Variants in TARS3 observed in about 807,000 individuals in gnomAD.
TARS3 encodes threonine--tRNA ligase 2, cytoplasmic.
Under a neutral mutation model 103.5 loss-of-function variants are expected in TARS3, and 94 were observed. That is an observed-to-expected ratio of 0.91 (90% CI 0.77 to 1.08). TARS3 has a LOEUF of 1.08. Ranked by LOEUF, TARS3 falls within the 50% of genes least tolerant of loss-of-function variation. The pLI, the probability that TARS3 is intolerant of heterozygous loss-of-function variation, is 0.00. For missense variants in TARS3, 952 were observed against 995.2 expected, an observed-to-expected ratio of 0.96 and a Z score of 0.58; for synonymous variants, 416 against 355.4, an observed-to-expected ratio of 1.17 and a Z score of -1.92.
intron 3 of TARS3, among the ~76,000 whole-genome samples, chr15:101,720,610 G>C (rs1218222593): frequency 6.6e-6 from 1 of 151,936 alleles, no homozygotes; most frequent in East Asian, 1.9e-4. Flanking sequence ...CCTTGGAGAA[G>C]CCAGAGGAAA....
chr15:101,685,864 A>C lies in TARS3; in HGVS notation c.1487+32T>G, dbSNP rs1469974806. The C allele has an allele frequency of 2.5e-6, 4 of 1,579,196 alleles. No homozygotes were observed. The Admixed American group carries it at 5.3e-5, about 21-fold the overall frequency. On this transcript the variant is annotated intron_variant, in intron 11 of 18. Coordinates refer to ENST00000335968, the MANE Select transcript of TARS3 (RefSeq NM_152334.3). ...GTGACGAAGCGTGCTATGTGCTCTC[A>C]TGAAAAGGTCTGCTTCGCTTTTAAT...
chr15:101,661,608 T>C (rs949683306), intron 16 of TARS3, 104 bp downstream of exon 16: 8 of 749,792 alleles, frequency 1.1e-5, no homozygotes, highest in Non-Finnish European at 1.6e-5. Context: ...CTTTTACACA[T>C]GATTTTTTAA....
At chr15:101,691,824 A>G (rs962092241) in intron 10 of TARS3, among the ~76,000 whole-genome samples, 5 of 128,960 alleles carry the variant, frequency 3.9e-5, no homozygotes, top group African/African-American at 5.8e-5. Flanking sequence ...ATATCCCCCC[A>G]TTTCTTCCCC....
At chr15:101,687,958 G>C (rs1370498993) in intron 10 of TARS3, among the ~76,000 whole-genome samples, 1 of 152,060 alleles carries the variant, frequency 6.6e-6, no homozygotes, top group Non-Finnish European at 1.5e-5. Context: ...TAGACTTACT[G>C]CCTCTAGAAC....
Position 101,675,699 on chromosome 15 carries a change from T to C in TARS3, c.1689A>G (p.Gln563=). 1 of 1,613,790 alleles carries C rather than the reference T, an allele frequency of 6.2e-7. No homozygotes were observed. The highest frequency in any genetic ancestry group is 8.5e-7 in the Non-Finnish European group (1 of 1,179,920). ...EEIKGCLQFL[Q]SVYSTFGFSF... ...AGAAGCCAAATGTTGAGTAAACAGA[T>C]TGCAAAAACTGCAAACACCCCTTTA... is the stretch of plus-strand genomic sequence containing the variant. The change falls in exon 13 of 19, where the codon CAA becomes CAG. Residue 563 remains glutamine, a synonymous_variant. Coordinates refer to ENST00000335968, the MANE Select transcript of TARS3 (RefSeq NM_152334.3).
chr15:101,701,206 A>G (rs777400132), intron 9 of TARS3, 22 bp from the exon 10 acceptor site: 13 of 1,470,270 alleles, frequency 8.8e-6, no homozygotes, highest in Non-Finnish European at 1.1e-5. Context: ...CAAAAATTGC[A>G]TTTCAAATGT....
chr15:101,673,664 T>C (rs1472716453), intron 13 of TARS3, among the ~76,000 whole-genome samples: 2 of 152,204 alleles, frequency 1.3e-5, no homozygotes, highest in Non-Finnish European at 2.9e-5. Context: ...TGCTTCCACA[T>C]GGCTGTTAGG....
chr15:101,723,282 C>A, intron 1 of TARS3, 118 bp from the exon 2 acceptor site: 1 of 796,674 alleles, frequency 1.3e-6, no homozygotes, highest in Non-Finnish European at 2.1e-6. Flanking sequence ...TAGCTGGGCT[C>A]TCCTGACCAC....
intron 18 of TARS3, among the ~76,000 whole-genome samples, chr15:101,656,341 T>C (rs909906294): frequency 4.6e-5 from 7 of 152,250 alleles, no homozygotes; most frequent in African/African-American, 1.7e-4. Context: ...TATTTCGCCT[T>C]CTACAGACTC....
Position 101,654,604 on chromosome 15 carries a change from A to G in TARS3, c.2387T>C (p.Leu796Pro). 6.2e-6 allele frequency: 10 copies of G among 1,613,932 alleles called. No homozygotes were observed. Among genetic ancestry groups the G allele is most frequent in the Non-Finnish European group, 7.6e-6 (9 of 1,179,972 alleles). Residue 796 changes from leucine (L) to proline (P), a missense_variant, in exon 19 of 19, where the codon CTC becomes CCC. By Grantham distance (98) the Leu-to-Pro change is moderately conservative. Around this residue, in one of 2 missense-constraint regions of TARS3, gnomAD observed 540 missense variants for 631.0 expected, o/e 0.86. Transcript: ENST00000335968. ...ACTTCAAAAGGCCTCCTCAGCATTG[A>G]GTGTCCGTGTCTTCCTGAGATTCTT... The part of the protein sequence containing the change: ...KLKNLRKTRT[L>P]NAEEAF
rs749880989 is a variant in TARS3 at position 101,696,993 on chromosome 15, C to T, written c.1320+4093G>A. On this transcript the variant is annotated intron_variant, in intron 10 of 18. Coordinates refer to ENST00000335968, the MANE Select transcript of TARS3 (RefSeq NM_152334.3). The stretch of plus-strand genomic sequence containing the variant: ...TCCACCCCAAAGTGAACAAGGGATG[C>T]ATGTAACATGCATGTTTGCTTACTA... Among the ~76,000 whole-genome samples, 25 of 152,188 alleles carry T rather than the reference C, an allele frequency of 1.6e-4. 1 individual carries two copies. The highest frequency in any genetic ancestry group is 3.2e-4 in the Non-Finnish European group (22 of 68,040).
chr15:101,696,513 G>C (rs992758206), intron 10 of TARS3, among the ~76,000 whole-genome samples: 5 of 152,126 alleles, frequency 3.3e-5, no homozygotes, highest in African/African-American at 1.2e-4. Flanking sequence ...ATGATGAAAT[G>C]GCAGTTTTAA....
chr15:101,673,712 A>G (rs1897910231), intron 13 of TARS3, among the ~76,000 whole-genome samples: 1 of 152,076 alleles, frequency 6.6e-6, no homozygotes, highest in Non-Finnish European at 1.5e-5. Flanking sequence ...TAGATAGGCT[A>G]TCTCATTTGG....
At chr15:101,714,672 T>G (rs1900047905) in intron 4 of TARS3, 168 bp downstream of exon 4, 1 of 414,358 alleles carries the variant, frequency 2.4e-6, no homozygotes, top group African/African-American at 2.1e-5. Flanking sequence ...TGACATGTAT[T>G]TGTATACATT....
rs1427889798 is a variant in TARS3 at position 101,715,807 on chromosome 15, TG to T, written c.567-845del. On this transcript the variant is annotated intron_variant, in intron 3 of 18. Transcript: ENST00000335968. The stretch of plus-strand genomic sequence containing the variant: ...TCTTGCGACTTCTGTGACTGTTTTC[TG>T]GGAATACATCCACAGAATTGGAATT... 5.3e-5 allele frequency among the ~76,000 whole-genome samples: 8 copies of T among 152,310 alleles called. No homozygotes were observed. In the South Asian group the frequency reaches 1.5e-3, roughly 28 times the overall value.
intron 13 of TARS3, among the ~76,000 whole-genome samples, chr15:101,673,037 C>T (rs569461816): frequency 1.5e-4 from 23 of 152,230 alleles, no homozygotes; most frequent in African/African-American, 5.1e-4. Context: ...CTGCCAGAGC[C>T]GAGAGAGCAT....
chr15:101,675,814 C>T, intron 12 of TARS3, 77 bp from the exon 13 acceptor site: 1 of 1,462,410 alleles, frequency 6.8e-7, no homozygotes. Context: ...TTCTTCATGT[C>T]AGACAGAAAT....
intron 8 of TARS3, among the ~76,000 whole-genome samples, chr15:101,702,608 G>A (rs1899340279): frequency 6.6e-6 from 1 of 152,032 alleles, no homozygotes; most frequent in South Asian, 2.1e-4. Context: ...CATCTGTACA[G>A]AAAATACAAA....
intron 10 of TARS3, among the ~76,000 whole-genome samples, chr15:101,700,234 C>T (rs375505698): frequency 1.3e-4 from 20 of 152,016 alleles, no homozygotes; most frequent in East Asian, 5.8e-4. Context: ...ACCCGGATCA[C>T]CTGTGAACAC....
Sources: allele counts gnomAD v4.1 joint callset (sites outside exome capture counted in the v4.1 genomes callset), GRCh38; gene constraint gnomAD v4.1.1; regional missense constraint gnomAD v4.1.1; transcripts MANE v1.5; gene names NCBI Gene and HGNC (gene_info 2026-07-23, HGNC 2026-07-21).